The following MRTFB variants were observed in gnomAD, a reference collection of about 807,000 sequenced individuals.
MRTFB encodes the protein myocardin-related transcription factor B.
In MRTFB, 29 loss-of-function variants were observed where a neutral mutation model predicts 104.2. The ratio of observed to expected loss-of-function variants is 0.28; its 90% confidence interval spans 0.21 to 0.38. The LOEUF is 0.38. Ranked by LOEUF, MRTFB falls within the 10% of genes least tolerant of loss-of-function variation. MRTFB has a pLI of 1.00. For synonymous variants in MRTFB, 535 were observed against 519.5 expected, an observed-to-expected ratio of 1.03 and a Z score of -0.41; for missense variants, 1,270 against 1,341.6, an observed-to-expected ratio of 0.95 and a Z score of 0.83.
At chr16:14,045,854 GTT>G in the MRTFB span, among the ~76,000 whole-genome samples, 1 of 151,988 alleles carries the variant, frequency 6.6e-6, no homozygotes, top group Non-Finnish European at 1.5e-5. Flanking sequence ...TAAAAGTGAG[GTT>G]TTTTTTGTGA....
intron 2 of MRTFB, among the ~76,000 whole-genome samples, chr16:14,115,550 C>T (rs931400378): frequency 2.0e-5 from 3 of 152,148 alleles, no homozygotes; most frequent in Admixed American, 6.5e-5. Context: ...TTAAACTCTG[C>T]GGCCCAGCTA....
intron 2 of MRTFB, among the ~76,000 whole-genome samples, chr16:14,114,889 G>C (rs1427352671): frequency 6.6e-6 from 1 of 152,100 alleles, no homozygotes; most frequent in Non-Finnish European, 1.5e-5. Context: ...TGTCTGTCTT[G>C]TTAATCGCTG....
intron 1 of MRTFB, among the ~76,000 whole-genome samples, chr16:14,075,460 A>G (rs545025443): frequency 6.6e-6 from 1 of 152,390 alleles, no homozygotes; most frequent in Non-Finnish European, 1.5e-5. Context: ...GCACGTGAAC[A>G]TATAAAAATC....
At chr16:14,242,061 C>T (rs1252407417) in intron 10 of MRTFB, among the ~76,000 whole-genome samples, 1 of 151,644 alleles carries the variant, frequency 6.6e-6, no homozygotes, top group Admixed American at 6.6e-5. Context: ...TGCTTAAAAC[C>T]GTGCATCATC....
At chr16:14,073,232 C>G (rs1012286596) in intron 1 of MRTFB, among the ~76,000 whole-genome samples, 1 of 152,320 alleles carries the variant, frequency 6.6e-6, no homozygotes, top group South Asian at 2.1e-4. Flanking sequence ...GAAAGACTCT[C>G]GTACCAGGCG....
At chr16:14,006,664 C>T in the MRTFB span, among the ~76,000 whole-genome samples, 1 of 151,978 alleles carries the variant, frequency 6.6e-6, no homozygotes, top group Non-Finnish European at 1.5e-5. Flanking sequence ...TTGCATGTTT[C>T]AATATTTTCA....
chr16:14,033,450 A>G, the MRTFB span, among the ~76,000 whole-genome samples: 1 of 151,900 alleles, frequency 6.6e-6, no homozygotes, highest in African/African-American at 2.4e-5. Flanking sequence ...GGGAGGCTGA[A>G]GCGGGAGGAT....
chr16:14,045,731 T>C, the MRTFB span, among the ~76,000 whole-genome samples: 2 of 152,248 alleles, frequency 1.3e-5, no homozygotes, highest in South Asian at 4.1e-4. Context: ...CATTAACCTC[T>C]GTCTCACTGA....
At chr16:13,996,253 C>T in the MRTFB span, among the ~76,000 whole-genome samples, 1 of 150,930 alleles carries the variant, frequency 6.6e-6, no homozygotes, top group African/African-American at 2.4e-5. Flanking sequence ...GCCTGGGTGA[C>T]AGAGTGATAC....
At chr16:14,203,139 T>C (rs1426209132) in intron 3 of MRTFB, among the ~76,000 whole-genome samples, 1 of 152,070 alleles carries the variant, frequency 6.6e-6, no homozygotes, top group Non-Finnish European at 1.5e-5. Flanking sequence ...ACTTGACTGC[T>C]CAGGCTTTTT....
intron 9 of MRTFB, among the ~76,000 whole-genome samples, chr16:14,236,756 T>C (rs1184509996): frequency 6.6e-6 from 1 of 152,092 alleles, no homozygotes; most frequent in Non-Finnish European, 1.5e-5. Context: ...TTGTAAGAAG[T>C]TAGGCTTTGT....
chr16:14,052,966 A>G, the MRTFB span, among the ~76,000 whole-genome samples: 1 of 151,988 alleles, frequency 6.6e-6, no homozygotes, highest in Admixed American at 6.6e-5. Context: ...AACATATGAT[A>G]TTTGTTTTTC....
At chr16:14,007,759 C>A in the MRTFB span, among the ~76,000 whole-genome samples, 1 of 152,170 alleles carries the variant, frequency 6.6e-6, no homozygotes, top group Non-Finnish European at 1.5e-5. Flanking sequence ...TTATAGCCAC[C>A]CTAGTGGGTG....
the MRTFB span, among the ~76,000 whole-genome samples, chr16:14,031,228 CA>C: frequency 6.6e-6 from 1 of 151,978 alleles, no homozygotes; most frequent in South Asian, 2.1e-4. Context: ...CCCATCTCCA[CA>C]AAAAATTAAA....
intron 8 of MRTFB, among the ~76,000 whole-genome samples, chr16:14,230,255 T>C (rs2042197116): frequency 6.6e-6 from 1 of 152,138 alleles, no homozygotes; most frequent in Non-Finnish European, 1.5e-5. Context: ...CCAAAAGCAA[T>C]GGCAACAAAA....
intron 16 of MRTFB, among the ~76,000 whole-genome samples, chr16:14,258,559 A>T (rs539839129): frequency 3.0e-4 from 45 of 152,262 alleles, no homozygotes; most frequent in Non-Finnish European, 5.7e-4. Flanking sequence ...AGCTTAAAAC[A>T]GTAATACAAT....
At chr16:14,142,741 A>T (rs1017548343) in intron 3 of MRTFB, 1 of 152,220 alleles carries the variant, frequency 6.6e-6, no homozygotes, top group Non-Finnish European at 1.5e-5. Flanking sequence ...GTTGTGCACA[A>T]TAATGGTCTT....
intron 9 of MRTFB, among the ~76,000 whole-genome samples, chr16:14,235,042 T>C (rs1006198062): frequency 1.3e-5 from 2 of 152,162 alleles, no homozygotes; most frequent in Non-Finnish European, 2.9e-5. Flanking sequence ...ATGGGGAGAC[T>C]GAGGCCCAAA....
intron 3 of MRTFB, among the ~76,000 whole-genome samples, chr16:14,176,105 A>G (rs1195586457): frequency 6.6e-6 from 1 of 152,216 alleles, no homozygotes; most frequent in Non-Finnish European, 1.5e-5. Context: ...TATCTCAGCA[A>G]AATTGATTTT....
Sources: allele counts gnomAD v4.1 joint callset (sites outside exome capture counted in the v4.1 genomes callset), GRCh38; gene constraint gnomAD v4.1.1; transcripts MANE v1.5; gene names NCBI Gene and HGNC (gene_info 2026-07-23, HGNC 2026-07-21).